SLC6A18: variants seen among roughly 807,000 people sequenced by gnomAD.
SLC6A18 encodes the protein solute carrier family 6 member 18, also known as inactive sodium-dependent neutral amino acid transporter B(0)AT3.
A neutral mutation model predicts 62.9 loss-of-function variants in SLC6A18; 58 were observed. The observed-to-expected ratio is 0.92, with a 90% CI of 0.75 to 1.15. SLC6A18 has a LOEUF of 1.15. Among genes scored for constraint, SLC6A18 ranks in the 50% most tolerant of loss-of-function variants. The probability of loss-of-function intolerance (pLI) is 0.00; values close to 1 mark genes in which losing one functional copy is unlikely to be tolerated. For missense variants in SLC6A18, 793 were observed against 836.6 expected, an observed-to-expected ratio of 0.95 and a Z score of 0.64; for synonymous variants, 382 against 365.8, an observed-to-expected ratio of 1.04 and a Z score of -0.51.
In SLC6A18 at chr5:1,238,430, G is replaced by C. The variant is rs76136868; in HGVS notation, c.732+370G>C. Among the ~76,000 whole-genome samples, 226 of 64,874 alleles carry C rather than the reference G, an allele frequency of 3.5e-3. 3 individuals are homozygous for C. The highest frequency in any genetic ancestry group is 6.1e-3 in the African/African-American group (50 of 8,220). 42.6% of individuals were successfully genotyped at this position (64,874 alleles called of 152,430 possible). A position where few individuals can be genotyped will look rare whatever the true frequency, so the allele number is the denominator to read the frequency against. On this transcript the variant is annotated intron_variant, in intron 5 of 11. Coordinates refer to ENST00000324642, the MANE Select transcript of SLC6A18 (RefSeq NM_182632.3). Reference sequence around the variant, plus strand: ...AGTGGGCCTGGGGCCTCAGGAAAGAGGTCAGGTTTGGAGTGAGCTTGGGGC... The same window carrying C: ...AGTGGGCCTGGGGCCTCAGGAAAGACGTCAGGTTTGGAGTGAGCTTGGGGC...
In SLC6A18 at chr5:1,240,674, C is replaced by T. The variant is rs200378951; in HGVS notation, c.974+15C>T. On this transcript the variant is annotated intron_variant, in intron 7 of 11. Coordinates refer to ENST00000324642, the MANE Select transcript of SLC6A18 (RefSeq NM_182632.3). ...TGCCTGGACAGGTGAGCACAGGTGC[C>T]GCGCCTGGCTCTGTGGGGCACAGCC... 58 of 1,612,726 alleles carry T rather than the reference C, an allele frequency of 3.6e-5. No individual in the cohort carries two copies. The highest frequency in any genetic ancestry group is 8.0e-5 in the African/African-American group (6 of 74,890).
intron 2 of SLC6A18, 30 bp from the exon 3 acceptor site, chr5:1,232,720 CG>C (rs745898123): frequency 1.9e-6 from 3 of 1,576,704 alleles, no homozygotes; most frequent in South Asian, 1.2e-5. Context: ...GAAGGAGCCC[CG>C]GGGCCACCTG....
chr5:1,225,523 G>A lies in SLC6A18; in HGVS notation c.46G>A (p.Asp16Asn), dbSNP rs1378268675. ...GGACCCGGCCGCCTGCGACCTCGGG[G>A]ATGAGAGGCCCAAGTGGGACAACAA... The part of the protein sequence containing the change: ...EPDPAACDLG[D>N]ERPKWDNKAQ... Residue 16 changes from aspartate (D) to asparagine (N), a missense_variant, in exon 1 of 12, where the codon GAT (aspartate) becomes AAT (asparagine). Physicochemically the swap from Asp to Asn is conservative, Grantham distance 23. Transcript: ENST00000324642. 4 of 1,613,536 alleles carry A rather than the reference G, an allele frequency of 2.5e-6. No individual in the cohort carries two copies. Among genetic ancestry groups the A allele is most frequent in the African/African-American group, 2.7e-5 (2 of 75,024 alleles).
chr5:1,241,931 C>T lies in SLC6A18; in HGVS notation c.975-776C>T, dbSNP rs529794537. 2.0e-4 allele frequency among the ~76,000 whole-genome samples: 30 copies of T among 152,328 alleles called. No individual in the cohort carries two copies. The highest frequency in any genetic ancestry group is 5.1e-4 in the African/African-American group (21 of 41,570). ...CACATGGGGCTAGAAGTGAGGGGAGCGAGGTCTCTCTCTTCAGGATTGTTC... is the reference window on the plus strand; with the variant it reads ...CACATGGGGCTAGAAGTGAGGGGAGTGAGGTCTCTCTCTTCAGGATTGTTC... On this transcript the variant is annotated intron_variant, in intron 7 of 11. Coordinates refer to ENST00000324642, the MANE Select transcript of SLC6A18 (RefSeq NM_182632.3). The surrounding 1 kb of genome is among the most constrained non-coding windows in gnomAD (Gnocchi z 7.8).
rs769724234 is a variant in SLC6A18 at position 1,225,427 on chromosome 5, G to A, written c.-51G>A. The A allele has an allele frequency of 6.4e-6, 10 of 1,562,794 alleles. No individual in the cohort carries two copies. The highest frequency in any genetic ancestry group is 1.9e-5 in the Admixed American group (1 of 53,740). On this transcript the variant is annotated 5_prime_UTR_variant, in exon 1 of 12. It adds an upstream start codon to the 5' untranslated region. Transcript: ENST00000324642. ...GCTGGAGACGGCTCTCTAGTGCTGG[G>A]TGTGGAGTGAGGCACCACCCTTGCC...
chr5:1,226,270 T>C (rs772903556), intron 1 of SLC6A18, among the ~76,000 whole-genome samples: 1 of 152,240 alleles, frequency 6.6e-6, no homozygotes, highest in Non-Finnish European at 1.5e-5. Flanking sequence ...CCTCACCCTG[T>C]GCCTGCTTCT....
intron 6 of SLC6A18, 99 bp downstream of exon 6, chr5:1,239,661 T>C: frequency 1.1e-6 from 1 of 924,972 alleles, no homozygotes; most frequent in Admixed American, 1.9e-5. Context: ...AGGGTGGCCT[T>C]GTGTGAACCT....
At position 1,229,606 on chromosome 5, in the gene SLC6A18, C is replaced by T. The variant is rs559270915; in HGVS notation, c.161-2613C>T. Among the ~76,000 whole-genome samples, 23 of 152,326 alleles carry T rather than the reference C, an allele frequency of 1.5e-4. No homozygotes were observed. In the East Asian group the frequency reaches 2.3e-3, roughly 15 times the overall value. On this transcript the variant is annotated intron_variant, in intron 1 of 11. Coordinates refer to ENST00000324642, the MANE Select transcript of SLC6A18 (RefSeq NM_182632.3). ...TGGAACCCGGAGCCCCTGCCCACCG[C>T]GACGTGGTGCCCACGCCACCCACAT...
chr5:1,229,838 G>T (rs1309007841), intron 1 of SLC6A18, among the ~76,000 whole-genome samples: 4 of 150,984 alleles, frequency 2.6e-5, no homozygotes, highest in Non-Finnish European at 5.9e-5. Context: ...GGTAAGAGGG[G>T]CTCTCACGGT....
At chr5:1,244,892 G>GCCACC in intron 11 of SLC6A18, 125 bp downstream of exon 11, 1 of 1,193,554 alleles carries the variant, frequency 8.4e-7, no homozygotes, top group Non-Finnish European at 1.2e-6. Context: ...ACAAGGTGGC[G>GCCACC]TGGTCACTTC....
At chr5:1,231,574 C>A (rs1441993185) in intron 1 of SLC6A18, among the ~76,000 whole-genome samples, 2 of 152,206 alleles carry the variant, frequency 1.3e-5, no homozygotes, top group Non-Finnish European at 2.9e-5. Flanking sequence ...GGGAACAGAG[C>A]AGCTCATGCC....
At chr5:1,242,391 G>A (rs1229506238) in intron 7 of SLC6A18, among the ~76,000 whole-genome samples, 7 of 143,324 alleles carry the variant, frequency 4.9e-5, no homozygotes, top group East Asian at 2.1e-4. Context: ...GGCAGGAGGC[G>A]TCCACACGAT....
At chr5:1,226,957 ACGCCTTGCCCACCGACGCCTTGCCCAC>A (rs1356950378) in intron 1 of SLC6A18, among the ~76,000 whole-genome samples, 47 of 38,454 alleles carry the variant, frequency 1.2e-3, no homozygotes, top group African/African-American at 3.6e-3. Context: ...GCCTTGCCCA[ACGCCTTGCCCACCGACGCCTTGCCCAC>A]CGATGCCTTG....
At chr5:1,245,503 G>A (rs1203249034) in intron 11 of SLC6A18, among the ~76,000 whole-genome samples, 2 of 152,174 alleles carry the variant, frequency 1.3e-5, no homozygotes, top group African/African-American at 4.8e-5. Context: ...GCAGCCGGGT[G>A]GGTGGTGCCA....
chr5:1,229,481 C>A (rs1417758687), intron 1 of SLC6A18, among the ~76,000 whole-genome samples: 1 of 152,196 alleles, frequency 6.6e-6, no homozygotes, highest in Non-Finnish European at 1.5e-5. Context: ...AGGCCCCAGC[C>A]CAGGCTCAAT....
rs548253475 is a variant in SLC6A18 at position 1,227,945 on chromosome 5, C to T, written c.160+2308C>T. On this transcript the variant is annotated intron_variant, in intron 1 of 11. Transcript: ENST00000324642. The stretch of plus-strand genomic sequence containing the variant: ...GCCCTGGGCTGGCTGTGTCCACACA[C>T]GTGAGGTCACTCATCAAGCGCGCCC... 2.1e-4 allele frequency among the ~76,000 whole-genome samples: 32 copies of T among 152,286 alleles called. 1 individual carries two copies. Among genetic ancestry groups the T allele is most frequent in the African/African-American group, 7.2e-4 (30 of 41,560 alleles).
intron 11 of SLC6A18, 139 bp downstream of exon 11, chr5:1,244,906 C>A: frequency 9.8e-7 from 1 of 1,017,414 alleles, no homozygotes; most frequent in Non-Finnish European, 1.4e-6. Flanking sequence ...TCACTTCTGC[C>A]TGGCAAACTG....
chr5:1,246,116 G>T lies in SLC6A18; in HGVS notation c.*38G>T. On this transcript the variant is annotated 3_prime_UTR_variant, in exon 12 of 12. Transcript: ENST00000324642. Reference sequence around the variant, plus strand: ...CGGGGCCTGCATGGGCGGGTCTGTGGGGGGGCTTGGCCTGATGGTGGGCGG... The same window carrying T: ...CGGGGCCTGCATGGGCGGGTCTGTGTGGGGGCTTGGCCTGATGGTGGGCGG... 3.3e-6 allele frequency: 5 copies of T among 1,529,690 alleles called. No homozygotes were observed. The highest frequency in any genetic ancestry group is 4.4e-6 in the Non-Finnish European group (5 of 1,143,770). 94.8% of individuals were successfully genotyped at this position (1,529,690 alleles called of 1,614,324 possible). A position where few individuals can be genotyped will look rare whatever the true frequency, so the allele number is the denominator to read the frequency against.
chr5:1,228,595 C>T (rs74706502), intron 1 of SLC6A18, among the ~76,000 whole-genome samples: 1,614 of 152,356 alleles, frequency 0.011, 16 homozygotes, highest in Middle Eastern at 0.041. Context: ...CCACCTTTCC[C>T]GTCTTCGGCA....
Sources: allele counts gnomAD v4.1 joint callset (sites outside exome capture counted in the v4.1 genomes callset), GRCh38; gene constraint gnomAD v4.1.1; non-coding constraint Gnocchi (gnomAD v3.1); transcripts MANE v1.5; gene names NCBI Gene and HGNC (gene_info 2026-07-23, HGNC 2026-07-21).